CSMD3: variants seen among roughly 807,000 people sequenced by gnomAD.
The protein encoded by CSMD3 is CUB and sushi domain-containing protein 3.
In CSMD3, 177 loss-of-function variants were observed where a neutral mutation model predicts 435.2. That is an observed-to-expected ratio of 0.41 (90% CI 0.36 to 0.46). The LOEUF is 0.46. CSMD3 is among the 20% of genes least tolerant of loss of function. CSMD3 has a pLI of 0.34. For missense variants in CSMD3, 4,265 were observed against 4,504.6 expected (o/e 0.95, Z 1.52); for synonymous variants, 1,656 against 1,520.5 (o/e 1.09, Z -2.07).
At chr8:113,013,990 A>G (rs2086358030) in intron 6 of CSMD3, among the ~76,000 whole-genome samples, 1 of 152,148 alleles carries the variant, frequency 6.6e-6, no homozygotes, top group African/African-American at 2.4e-5. Flanking sequence ...GGTGCAGAAC[A>G]TAGATTGCAA....
intron 58 of CSMD3, among the ~76,000 whole-genome samples, chr8:112,284,901 A>G (rs1470101939): frequency 6.6e-6 from 1 of 151,938 alleles, no homozygotes; most frequent in Non-Finnish European, 1.5e-5. Context: ...CCCGCACACA[A>G]TAATTTTATA....
At chr8:112,956,894 T>C (rs908550946) in intron 7 of CSMD3, among the ~76,000 whole-genome samples, 14 of 152,100 alleles carry the variant, frequency 9.2e-5, no homozygotes, top group African/African-American at 2.9e-4. Context: ...ACTATAATAA[T>C]TGTAATACAG....
chr8:112,232,524 G>A (rs181524035), intron 68 of CSMD3, among the ~76,000 whole-genome samples: 424 of 152,204 alleles, frequency 2.8e-3, no homozygotes, highest in African/African-American at 9.6e-3. Context: ...CAGGAGAATC[G>A]CTTGAACCTG....
At chr8:112,820,545 A>T (rs2132431556) in intron 12 of CSMD3, among the ~76,000 whole-genome samples, 1 of 152,212 alleles carries the variant, frequency 6.6e-6, no homozygotes, top group Admixed American at 6.6e-5. Flanking sequence ...CTGATTAAAA[A>T]AAAACTTCCT....
At chr8:112,853,312 G>A (rs2080548395) in intron 11 of CSMD3, among the ~76,000 whole-genome samples, 1 of 151,942 alleles carries the variant, frequency 6.6e-6, no homozygotes, top group South Asian at 2.1e-4. Flanking sequence ...TGTAAGCTCT[G>A]CCTCCCGGGT....
chr8:112,733,572 A>G (rs2077121135), intron 13 of CSMD3, among the ~76,000 whole-genome samples: 1 of 152,050 alleles, frequency 6.6e-6, no homozygotes, highest in African/African-American at 2.4e-5. Flanking sequence ...ACATAAATAT[A>G]AAGGTAAGTA....
At chr8:113,005,935 A>G (rs2131096221) in intron 6 of CSMD3, among the ~76,000 whole-genome samples, 1 of 152,138 alleles carries the variant, frequency 6.6e-6, no homozygotes, top group South Asian at 2.1e-4. Context: ...AATTTTTCCA[A>G]ACTGCAGCTT....
At chr8:112,382,291 C>CAAAAAAGAAAA (rs535052089) in intron 37 of CSMD3, among the ~76,000 whole-genome samples, 1 of 116,768 alleles carries the variant, frequency 8.6e-6, no homozygotes, top group East Asian at 3.0e-4. Context: ...CTCTAAAATG[C>CAAAAAAGAAAA]AAAAAAAAAA....
chr8:113,121,556 G>A (rs2090986489), intron 4 of CSMD3, among the ~76,000 whole-genome samples: 1 of 152,130 alleles, frequency 6.6e-6, no homozygotes, highest in African/African-American at 2.4e-5. Context: ...GTCTGGGGCT[G>A]AATAGGCTTG....
At chr8:113,319,032 G>C (rs2093930907) in intron 1 of CSMD3, among the ~76,000 whole-genome samples, 1 of 151,874 alleles carries the variant, frequency 6.6e-6, no homozygotes, top group Admixed American at 6.6e-5. Context: ...TTTTTACATG[G>C]TGGTTCTTGT....
At chr8:113,218,466 C>CA (rs35840130) in intron 3 of CSMD3, among the ~76,000 whole-genome samples, 5,613 of 94,714 alleles carry the variant, frequency 0.059, 101 homozygotes, top group Middle Eastern at 0.094. Flanking sequence ...TAAAGTGCTA[C>CA]AAAAAAAAAA....
intron 1 of CSMD3, among the ~76,000 whole-genome samples, chr8:113,356,576 A>C (rs964308904): frequency 2.0e-5 from 3 of 152,196 alleles, no homozygotes; most frequent in South Asian, 2.1e-4. Flanking sequence ...TGAATGAATA[A>C]AATAAATGAA....
intron 3 of CSMD3, among the ~76,000 whole-genome samples, chr8:113,204,141 T>C (rs2092744874): frequency 6.6e-6 from 1 of 152,098 alleles, no homozygotes; most frequent in Non-Finnish European, 1.5e-5. Flanking sequence ...TCCCTGGAAA[T>C]CTCCTTTCCA....
chr8:113,112,815 T>G (rs943096267), intron 4 of CSMD3, among the ~76,000 whole-genome samples: 1 of 152,082 alleles, frequency 6.6e-6, no homozygotes, highest in African/African-American at 2.4e-5. Context: ...TTTGTTTTGT[T>G]TCTGAGCCAA....
At chr8:112,400,110 G>T (rs1586197026) in intron 35 of CSMD3, among the ~76,000 whole-genome samples, 3 of 151,996 alleles carry the variant, frequency 2.0e-5, no homozygotes, top group Non-Finnish European at 4.4e-5. Flanking sequence ...AGTCTGTTCA[G>T]GCTACTATAA....
intron 1 of CSMD3, among the ~76,000 whole-genome samples, chr8:113,397,198 A>C (rs2094487542): frequency 6.6e-6 from 1 of 152,114 alleles, no homozygotes; most frequent in Non-Finnish European, 1.5e-5. Context: ...ATTTCGTTAA[A>C]TTTTGTTAAT....
chr8:112,988,457 C>A (rs189380695), intron 6 of CSMD3, among the ~76,000 whole-genome samples: 18 of 152,118 alleles, frequency 1.2e-4, no homozygotes, highest in Non-Finnish European at 2.1e-4. Flanking sequence ...TGTCTTTTAA[C>A]AATTTGAGTT....
chr8:112,976,238 T>G, intron 6 of CSMD3, 90 bp from the exon 7 acceptor site: 2 of 1,418,380 alleles, frequency 1.4e-6, no homozygotes, highest in South Asian at 2.4e-5. Context: ...TATTCTCTTC[T>G]ATTACCTTAA....
At chr8:112,701,147 T>C (rs2076380767) in intron 13 of CSMD3, among the ~76,000 whole-genome samples, 1 of 152,142 alleles carries the variant, frequency 6.6e-6, no homozygotes, top group African/African-American at 2.4e-5. Flanking sequence ...AACTATGTTT[T>C]CTAGAGAATT....
Sources: allele counts gnomAD v4.1 joint callset (sites outside exome capture counted in the v4.1 genomes callset), GRCh38; gene constraint gnomAD v4.1.1; transcripts MANE v1.5; gene names NCBI Gene and HGNC (gene_info 2026-07-23, HGNC 2026-07-21).